LMNA: variants seen among roughly 807,000 people sequenced by gnomAD.
The protein encoded by LMNA is lamin.
A neutral mutation model predicts 70.4 loss-of-function variants in LMNA; 20 were observed. The ratio of observed to expected loss-of-function variants is 0.28; its 90% CI spans 0.20 to 0.41. The LOEUF (loss-of-function observed/expected upper bound fraction) is 0.41. LMNA is among the 10% of genes least tolerant of loss of function. The probability of loss-of-function intolerance (pLI) is 1.00; values close to 1 mark genes in which losing one functional copy is unlikely to be tolerated. For synonymous variants in LMNA, 339 were observed against 372.8 expected (o/e 0.91, Z 1.04); for missense variants, 652 against 917.2 (o/e 0.71, Z 3.73).
intron 1 of LMNA, among the ~76,000 whole-genome samples, chr1:156,119,460 C>A (rs1010892845): frequency 6.6e-6 from 1 of 152,182 alleles, no homozygotes; most frequent in Non-Finnish European, 1.5e-5. Context: ...CACCGTGTTG[C>A]CCAAGCTGGT....
At chr1:156,100,806 C>G (rs1363822851) in intron 3 of LMNA, among the ~76,000 whole-genome samples, 2 of 152,130 alleles carry the variant, frequency 1.3e-5, no homozygotes, top group Admixed American at 1.3e-4. Flanking sequence ...TGGCAGAGCA[C>G]CAGATCCACC....
chr1:156,084,071 T>A (rs1648379109), intron 2 of LMNA, among the ~76,000 whole-genome samples: 2 of 152,028 alleles, frequency 1.3e-5, no homozygotes, highest in Non-Finnish European at 2.9e-5. Flanking sequence ...CATAAAGAGT[T>A]TTATAATAGT....
At chr1:156,107,430 T>C (rs1157640177) in intron 3 of LMNA, among the ~76,000 whole-genome samples, 1 of 152,222 alleles carries the variant, frequency 6.6e-6, no homozygotes, top group Non-Finnish European at 1.5e-5. Flanking sequence ...TGTGTGACTT[T>C]GGGCAAATCT....
intron 1 of LMNA, among the ~76,000 whole-genome samples, chr1:156,117,225 C>T (rs995332387): frequency 2.0e-5 from 3 of 150,104 alleles, no homozygotes; most frequent in East Asian, 3.9e-4. Context: ...CTACCATGCC[C>T]GGCCATCAAC....
chr1:156,129,842 G>C, intron 1 of LMNA: 2 of 769,698 alleles, frequency 2.6e-6, no homozygotes, highest in Non-Finnish European at 4.8e-6. Flanking sequence ...CTTAAAGCTG[G>C]GGCCCAGATG....
rs57957504 is a variant in LMNA at position 156,095,082 on chromosome 1, C to T, written c.-207+4500C>T. On this transcript the variant is annotated intron_variant, in intron 3 of 12. Coordinates refer to the LMNA transcript ENST00000368301. ...GACTACAGGCGCACGCCACCATGCCCGGCTACCGGCTAATTTTTGTATTTT... is the reference window on the plus strand; with the variant it reads ...GACTACAGGCGCACGCCACCATGCCTGGCTACCGGCTAATTTTTGTATTTT... Among the ~76,000 whole-genome samples the T allele has an allele frequency of 9.0e-3, 1,366 of 152,200 alleles. 21 individuals are homozygous for T. The highest frequency in any genetic ancestry group is 0.032 in the African/African-American group (1,308 of 41,508).
chr1:156,095,020 C>T (rs1264093887), intron 3 of LMNA, among the ~76,000 whole-genome samples: 1 of 151,582 alleles, frequency 6.6e-6, no homozygotes, highest in Non-Finnish European at 1.5e-5. Context: ...CTTGCTGGTT[C>T]AAGTGATTCT....
chr1:156,138,345 C>A lies in LMNA; in HGVS notation c.1699-143C>A. The stretch of plus-strand genomic sequence containing the variant: ...CCTCCGGGCCCCTAGCCTCCCAAAC[C>A]CCCATTGCCCGCTGGCTCCTTGGGC... On this transcript the variant is annotated intron_variant, in intron 10 of 11. Transcript: ENST00000368300. This position sits in a 1 kb window ranked among gnomAD's most constrained non-coding sequence, Gnocchi z 5.5. 1 of 884,252 alleles carries A rather than the reference C, an allele frequency of 1.1e-6. No individual in the cohort carries two copies. 54.8% of individuals were successfully genotyped at this position (884,252 alleles called of 1,614,324 possible). A position where few individuals can be genotyped will look rare whatever the true frequency, so the allele number is the denominator to read the frequency against.
chr1:156,111,681 T>C (rs12131777), upstream of LMNA, among the ~76,000 whole-genome samples: 45,451 of 152,112 alleles, frequency 0.3, 7,788 homozygotes, highest in East Asian at 0.65. Flanking sequence ...TATCACCCTG[T>C]GGCATAGTGT....
At chr1:156,124,855 G>C (rs1042122381) in intron 1 of LMNA, among the ~76,000 whole-genome samples, 1 of 152,136 alleles carries the variant, frequency 6.6e-6, no homozygotes, top group Admixed American at 6.5e-5. Context: ...TCTCTGACTG[G>C]GGTATCTCCC....
At chr1:156,122,861 A>G (rs891041059) in intron 1 of LMNA, among the ~76,000 whole-genome samples, 61 of 152,150 alleles carry the variant, frequency 4.0e-4, no homozygotes, top group Non-Finnish European at 7.3e-4. Flanking sequence ...CTGGGCTGGG[A>G]GGAGGTCTTG....
chr1:156,129,133 G>A (rs1650828449), intron 1 of LMNA, among the ~76,000 whole-genome samples: 1 of 152,212 alleles, frequency 6.6e-6, no homozygotes, highest in African/African-American at 2.4e-5. Flanking sequence ...TCTGGAAGGG[G>A]CTCTTTTTTG....
intron 1 of LMNA, chr1:156,126,147 G>A (rs1650554343): frequency 4.6e-6 from 7 of 1,511,070 alleles, no homozygotes; most frequent in African/African-American, 1.4e-5. Flanking sequence ...GACAGGAAAT[G>A]CCCAGGGGCT....
In LMNA at chr1:156,139,589, GA is replaced by G; in HGVS notation, c.*484del. On this transcript the variant is annotated 3_prime_UTR_variant, in exon 12 of 12. Transcript: ENST00000368300. ...CACTGCCAGGCCAGCCTCCGAGAGG[GA>G]GAGAGAGAGAGAGAGGACAGCTTGA... 1.1e-6 allele frequency: 1 copy of G among 921,334 alleles called. No homozygotes were observed. Among genetic ancestry groups the G allele is most frequent in the Non-Finnish European group, 1.4e-6 (1 of 726,050 alleles). The allele number at this position is 921,334 out of a possible 1,614,324, so 57.1% of individuals were successfully genotyped here. A position where few individuals can be genotyped will look rare whatever the true frequency, so the allele number is the denominator to read the frequency against.
chr1:156,105,523 A>T (rs1170204288), intron 3 of LMNA, among the ~76,000 whole-genome samples: 1 of 152,002 alleles, frequency 6.6e-6, no homozygotes, highest in Non-Finnish European at 1.5e-5. Context: ...TCACTTTCCT[A>T]GTTGACCTCC....
chr1:156,115,471 AGTG>A lies in LMNA; in HGVS notation c.356+203_356+205del, dbSNP rs1649763002. Among the ~76,000 whole-genome samples the A allele has an allele frequency of 6.6e-6, 1 of 152,062 alleles. No homozygotes were observed. Among genetic ancestry groups the A allele is most frequent in the Non-Finnish European group, 1.5e-5 (1 of 67,994 alleles). On this transcript the variant is annotated intron_variant, in intron 1 of 11. Coordinates refer to ENST00000368300, the MANE Select transcript of LMNA (RefSeq NM_170707.4). The surrounding 1 kb of genome is among the most constrained non-coding windows in gnomAD (Gnocchi z 5.8). ...ATTGTCAAGACAGGACAGAGAGGGA[AGTG>A]GTGGTCTCTGGGAGAGGGTCGGGGA...
chr1:156,136,706 G>A lies in LMNA; in HGVS notation c.1381-215G>A, dbSNP rs1368930793. 3.0e-6 allele frequency: 2 copies of A among 674,432 alleles called. No homozygotes were observed. Among genetic ancestry groups the A allele is most frequent in the Non-Finnish European group, 5.3e-6 (2 of 375,136 alleles). 41.8% of individuals were successfully genotyped at this position (674,432 alleles called of 1,614,324 possible). A position where few individuals can be genotyped will look rare whatever the true frequency, so the allele number is the denominator to read the frequency against. ...TGATCCCTAAGTCTTTGAGTTGTCAGGAAGATGAAAGATAAGGTATCCGTG... is the reference window on the plus strand; with the variant it reads ...TGATCCCTAAGTCTTTGAGTTGTCAAGAAGATGAAAGATAAGGTATCCGTG... On this transcript the variant is annotated intron_variant, in intron 7 of 11. Coordinates refer to ENST00000368300, the MANE Select transcript of LMNA (RefSeq NM_170707.4). The surrounding 1 kb of genome is among the most constrained non-coding windows in gnomAD (Gnocchi z 6.1).
rs55740793 is a variant in LMNA, at chr1:156,086,393, A to ACTCTCTCTCTCTCT, written c.-319+3228_-319+3241dup. Among the ~76,000 whole-genome samples the ACTCTCTCTCTCTCT allele has an allele frequency of 5.4e-3, 795 of 146,364 alleles. 6 individuals carry two copies. Among genetic ancestry groups the ACTCTCTCTCTCTCT allele is most frequent in the African/African-American group, 0.012 (470 of 39,148 alleles). ...AGCCCTGGAATGCAGGTGACCTCTG[A>ACTCTCTCTCTCTCT]CTCTCTCTCTCTCTCTCTCTCTCTC... On this transcript the variant is annotated intron_variant, in intron 2 of 12. Coordinates refer to the LMNA transcript ENST00000368301.
At position 156,138,480 on chromosome 1, in the gene LMNA, C is replaced by G. The variant is rs727503137; in HGVS notation, c.1699-8C>G. The G allele has an allele frequency of 5.6e-6, 9 of 1,611,392 alleles. No individual in the cohort carries two copies. The highest frequency in any genetic ancestry group is 7.6e-6 in the Non-Finnish European group (9 of 1,179,582). On this transcript the variant is annotated splice_region_variant and splice_polypyrimidine_tract_variant and intron_variant, in intron 10 of 11. Transcript: ENST00000368300. This position sits in a 1 kb window ranked among gnomAD's most constrained non-coding sequence, Gnocchi z 5.5. ...GCCGTCCCGCCTGAGCCTTGTCTCC[C>G]TTCCCAGGGCTCCCACTGCAGCAGC... is the stretch of plus-strand genomic sequence containing the variant.
Sources: allele counts gnomAD v4.1 joint callset (sites outside exome capture counted in the v4.1 genomes callset), GRCh38; gene constraint gnomAD v4.1.1; non-coding constraint Gnocchi (gnomAD v3.1); transcripts MANE v1.5; gene names NCBI Gene and HGNC (gene_info 2026-07-23, HGNC 2026-07-21).